The following BSN variants were observed in gnomAD, a reference collection of about 807,000 sequenced individuals.
BSN encodes the protein protein bassoon.
A neutral mutation model predicts 264.8 loss-of-function variants in BSN; 57 were observed. The ratio of observed to expected loss-of-function variants is 0.22; its 90% CI spans 0.17 to 0.27. The LOEUF is 0.27. Ranked by LOEUF, BSN falls within the 10% of genes least tolerant of loss-of-function variation. The pLI is 1.00. For missense variants in BSN, 4,615 were observed against 5,232.5 expected (o/e 0.88, Z 3.64); for synonymous variants, 2,059 against 2,137.3 (o/e 0.96, Z 1.01).
intron 11 of BSN, among the ~76,000 whole-genome samples, chr3:49,666,871 G>A (rs966641086): frequency 1.3e-5 from 2 of 152,202 alleles, no homozygotes; most frequent in Admixed American, 1.3e-4. Flanking sequence ...AGCCCTTAGC[G>A]TTCTTCCTGC....
chr3:49,587,409 C>CT (rs1329765697), intron 1 of BSN, among the ~76,000 whole-genome samples: 1 of 152,156 alleles, frequency 6.6e-6, no homozygotes, highest in African/African-American at 2.4e-5. Flanking sequence ...ATATCTTTCT[C>CT]TTGTCTGATT....
rs2052608668 is a variant in BSN, at chr3:49,656,934, C to G, written c.7378C>G (p.Gln2460Glu). The change falls in exon 5 of 12, where the codon CAG becomes GAG. Residue 2460 changes from glutamine to glutamate, a missense_variant. By Grantham distance (29) the Gln-to-Glu change is conservative (BLOSUM62 2). This residue lies in a region of BSN where 3,415 missense variants were observed against 3,866.4 expected (regional missense o/e 0.88). Transcript: ENST00000296452. ...GCTGGAGCAGATCCAGCAGCTGCAGCAGCAGCTGCAGCAGCAGCTAGAGGA... is the reference window on the plus strand; with the variant it reads ...GCTGGAGCAGATCCAGCAGCTGCAGGAGCAGCTGCAGCAGCAGCTAGAGGA... The part of the protein sequence containing the change: ...LQLEQIQQLQ[Q>E]QLQQQLEEQK... 6.3e-7 allele frequency: 1 copy of G among 1,598,282 alleles called. No individual in the cohort carries two copies. Among genetic ancestry groups the G allele is most frequent in the African/African-American group, 1.3e-5 (1 of 74,466 alleles).
At chr3:49,613,355 T>C (rs1276501806) in intron 1 of BSN, among the ~76,000 whole-genome samples, 1 of 26,962 alleles carries the variant, frequency 3.7e-5, no homozygotes, top group Non-Finnish European at 1.0e-4. Flanking sequence ...AGAGAAGGGC[T>C]GGCCCAGAGC....
At position 49,657,253 on chromosome 3, in the gene BSN, G is replaced by A. The variant is rs2052613605; in HGVS notation, c.7697G>A (p.Cys2566Tyr). Reference sequence around the variant, plus strand: ...TCCATGCCACGCCTGCGGGATGCCTGTGAGCTAGAGTCTGGGACTGAGCCC... The same window carrying A: ...TCCATGCCACGCCTGCGGGATGCCTATGAGCTAGAGTCTGGGACTGAGCCC... ...RHSMPRLRDA[C>Y]ELESGTEPCV... Residue 2566 changes from cysteine to tyrosine, a missense_variant, in exon 5 of 12, where the codon TGT (cysteine) becomes TAT (tyrosine). By Grantham distance (194) the Cys-to-Tyr change is radical (BLOSUM62 -2). Coordinates refer to ENST00000296452, the MANE Select transcript of BSN (RefSeq NM_003458.4). The A allele has an allele frequency of 3.1e-6, 5 of 1,613,522 alleles. No individual in the cohort carries two copies. In the South Asian group the frequency reaches 3.3e-5, roughly 11 times the overall value.
At position 49,625,326 on chromosome 3, in the gene BSN, G is replaced by A; in HGVS notation, c.576G>A (p.Gln192=). 6.3e-7 allele frequency: 1 copy of A among 1,580,334 alleles called. No individual in the cohort carries two copies. Among genetic ancestry groups the A allele is most frequent in the Non-Finnish European group, 8.6e-7 (1 of 1,164,490 alleles). Reference sequence around the variant, plus strand: ...AGCCAAACTTCAACACCTGCACCCAGTGTCACAACAAGGTCTGCAACCAGT... The same window carrying A: ...AGCCAAACTTCAACACCTGCACCCAATGTCACAACAAGGTCTGCAACCAGT... The part of the protein sequence containing the change: ...PSQPNFNTCT[Q]CHNKVCNQCG... Residue 192 remains glutamine, a synonymous_variant, in exon 2 of 12, where the codon CAG becomes CAA. Transcript: ENST00000296452. The surrounding 1 kb of genome is among the most constrained non-coding windows in gnomAD (Gnocchi z 4.4).
intron 1 of BSN, among the ~76,000 whole-genome samples, chr3:49,583,603 C>T (rs955351376): frequency 6.6e-6 from 1 of 152,064 alleles, no homozygotes; most frequent in African/African-American, 2.4e-5. Context: ...GAGCAAGACC[C>T]TGTCTGTTAT....
chr3:49,663,902 G>T lies in BSN; in HGVS notation c.11608+16G>T. 6.2e-7 allele frequency: 1 copy of T among 1,612,354 alleles called. No individual in the cohort carries two copies. The highest frequency in any genetic ancestry group is 1.1e-5 in the South Asian group (1 of 90,974). ...GGACCTGCAGGTGAGCCTATCCTTT[G>T]ACACCCTTGGCTGTGGCCCAGAGCA... is the stretch of plus-strand genomic sequence containing the variant. On this transcript the variant is annotated intron_variant, in intron 8 of 11. Transcript: ENST00000296452.
At chr3:49,623,019 G>A (rs2052316911) in intron 1 of BSN, among the ~76,000 whole-genome samples, 1 of 152,094 alleles carries the variant, frequency 6.6e-6, no homozygotes, top group Non-Finnish European at 1.5e-5. Context: ...GTCTTTATTA[G>A]ACCAAGGATA....
chr3:49,625,229 A>G lies in BSN; in HGVS notation c.479A>G (p.Gln160Arg). 2.5e-6 allele frequency: 4 copies of G among 1,588,980 alleles called. No homozygotes were observed. The highest frequency in any genetic ancestry group is 3.4e-6 in the Non-Finnish European group (4 of 1,168,260). The change falls in exon 2 of 12, where the codon CAG (glutamine) becomes CGG (arginine). Residue 160 changes from glutamine to arginine, a missense_variant. Around this residue, in one of 3 missense-constraint regions of BSN, gnomAD observed 1,197 missense variants for 1,348.0 expected, o/e 0.89. Transcript: ENST00000296452. The surrounding 1 kb of genome is among the most constrained non-coding windows in gnomAD (Gnocchi z 4.4). ...STPTSPYSVP[Q>R]IAPLPSSTLC... ...CCCACATCACCCTACTCCGTCCCTC[A>G]GATCGCCCCCCTTCCCAGCAGCACG...
rs1173067007 is a variant in BSN, at chr3:49,662,544, G to A, written c.10699G>A (p.Val3567Met). Residue 3567 changes from valine to methionine, a missense_variant, in exon 6 of 12, where the codon GTG becomes ATG. This residue lies in a region of BSN where 3,415 missense variants were observed against 3,866.4 expected (regional missense o/e 0.88). Coordinates refer to ENST00000296452, the MANE Select transcript of BSN (RefSeq NM_003458.4). ...CTACATCCTGGATGATTCCCATTGC[G>A]TGGTTTCCGACAGCGAAGGTAATGG... ...EGYILDDSHC[V>M]VSDSEAYHLG... The A allele has an allele frequency of 2.5e-6, 4 of 1,592,052 alleles. No homozygotes were observed. The highest frequency in any genetic ancestry group is 1.3e-5 in the African/African-American group (1 of 74,260).
chr3:49,637,756 G>T (rs1430379897), intron 2 of BSN, among the ~76,000 whole-genome samples: 1 of 152,192 alleles, frequency 6.6e-6, no homozygotes, highest in Admixed American at 6.5e-5. Context: ...TGCAAAGCCT[G>T]TAGGAAGGCT....
chr3:49,664,905 T>A, intron 10 of BSN, 52 bp downstream of exon 10: 1 of 407,306 alleles, frequency 2.5e-6, no homozygotes, highest in Admixed American at 4.7e-5. Context: ...CCCGAGGCAC[T>A]GGGGGTGGGG....
intron 1 of BSN, among the ~76,000 whole-genome samples, chr3:49,574,132 A>ATTTTTTTTT (rs33920630): frequency 7.8e-6 from 1 of 127,990 alleles, no homozygotes; most frequent in Non-Finnish European, 1.6e-5. Context: ...GTATTTTTGT[A>ATTTTTTTTT]TTTTTTTTTT....
intron 1 of BSN, among the ~76,000 whole-genome samples, chr3:49,564,702 G>A (rs1372250042): frequency 6.6e-6 from 1 of 152,176 alleles, no homozygotes; most frequent in Non-Finnish European, 1.5e-5. Context: ...TAGGAAGGGT[G>A]TTCTCATGCT....
chr3:49,661,225 C>T lies in BSN; in HGVS notation c.9380C>T (p.Thr3127Ile). The T allele has an allele frequency of 3.7e-6, 6 of 1,613,710 alleles. No individual in the cohort carries two copies. The highest frequency in any genetic ancestry group is 5.1e-6 in the Non-Finnish European group (6 of 1,180,046). Reference protein sequence around the residue: ...HYAGQTPMPTTQSTLFPVPAD... With the variant: ...HYAGQTPMPTIQSTLFPVPAD... ...GCAGGCCAAACACCCATGCCAACCA[C>T]ACAGAGCACCCTTTTTCCAGTCCCC... Residue 3127 changes from threonine (T) to isoleucine (I), a missense_variant, in exon 6 of 12, where the codon ACA becomes ATA. Thr to Ile is a moderately conservative substitution (Grantham distance 89). Transcript: ENST00000296452.
rs1317344775 is a variant in BSN, at chr3:49,638,792, A to G, written c.634-3476A>G. On this transcript the variant is annotated intron_variant, in intron 2 of 11. Transcript: ENST00000296452. This position sits in a 1 kb window ranked among gnomAD's most constrained non-coding sequence, Gnocchi z 4.3. ...TTTGTTCAGCCTGATTCAGAACCCC[A>G]GGGACAGTCACCCCAAAGTTGCAGG... is the stretch of plus-strand genomic sequence containing the variant. Among the ~76,000 whole-genome samples the G allele has an allele frequency of 6.6e-6, 1 of 152,222 alleles. No homozygotes were observed. The highest frequency in any genetic ancestry group is 6.5e-5 in the Admixed American group (1 of 15,282).
chr3:49,663,654 A>G lies in BSN; in HGVS notation c.11496A>G (p.Gln3832=). Residue 3832 remains glutamine, a synonymous_variant, in exon 7 of 12, where the codon CAA becomes CAG. Transcript: ENST00000296452. ...GCCCCAGCACAGCCACAGGTCCTCA[A>G]CCAGCAGGACCGGTAAGCAGAGCTC... ...QPGPSTATGP[Q]PAGPPRAEQT... 1.2e-6 allele frequency: 2 copies of G among 1,604,390 alleles called. No individual in the cohort carries two copies. Among genetic ancestry groups the G allele is most frequent in the Non-Finnish European group, 1.7e-6 (2 of 1,174,242 alleles).
intron 1 of BSN, among the ~76,000 whole-genome samples, chr3:49,616,863 A>T (rs2052263276): frequency 6.6e-6 from 1 of 152,120 alleles, no homozygotes; most frequent in Non-Finnish European, 1.5e-5. Flanking sequence ...TGCAATCAGG[A>T]TTATGTCTCC....
rs777748845 is a variant in BSN at position 49,656,749 on chromosome 3, G to A, written c.7193G>A (p.Arg2398His). 1.3e-5 allele frequency: 20 copies of A among 1,577,706 alleles called. No homozygotes were observed. The highest frequency in any genetic ancestry group is 2.3e-5 in the East Asian group (1 of 43,496). The change falls in exon 5 of 12, where the codon CGT becomes CAT. Residue 2398 changes from arginine to histidine, a missense_variant. Physicochemically the swap from Arg to His is conservative, Grantham distance 29. Around this residue, in one of 3 missense-constraint regions of BSN, gnomAD observed 3,415 missense variants for 3,866.4 expected, o/e 0.88. Coordinates refer to ENST00000296452, the MANE Select transcript of BSN (RefSeq NM_003458.4). ...CTGCAAGAGGAGCTAGAGCGGGAAC[G>A]TGTGGAGCTGCAGAGGCACCGTGAG... is the stretch of plus-strand genomic sequence containing the variant. Reference protein sequence around the residue: ...LRLQEELERERVELQRHREEE... With the variant: ...LRLQEELEREHVELQRHREEE...
Sources: allele counts gnomAD v4.1 joint callset (sites outside exome capture counted in the v4.1 genomes callset), GRCh38; gene constraint gnomAD v4.1.1; regional missense constraint gnomAD v4.1.1; non-coding constraint Gnocchi (gnomAD v3.1); transcripts MANE v1.5; gene names NCBI Gene and HGNC (gene_info 2026-07-23, HGNC 2026-07-21).